The following ARL1 variants were observed in gnomAD, a reference collection of about 807,000 sequenced individuals.
The protein encoded by ARL1 is ARF like GTPase 1.
A neutral mutation model predicts 30.1 loss-of-function variants in ARL1; 17 were observed. The observed-to-expected ratio is 0.56, with a 90% CI of 0.39 to 0.85. The LOEUF (loss-of-function observed/expected upper bound fraction) is 0.85. Ranked by LOEUF, ARL1 falls within the 40% of genes least tolerant of loss-of-function variation. ARL1 has a pLI of 0.00. For missense variants in ARL1, 102 were observed against 212.6 expected, an observed-to-expected ratio of 0.48 and a Z score of 3.24; for synonymous variants, 58 against 71.7, an observed-to-expected ratio of 0.81 and a Z score of 0.97.
At position 101,407,688 on chromosome 12, in the gene ARL1, TGGC is replaced by T; in HGVS notation, c.-46_-44del. ...CCCTCGCCGATCTTCAGTGATTCCTTGGCCTTCGGCTGCAGCTCCGAGGCGGTT... is the reference window on the plus strand; with the variant it reads ...CCCTCGCCGATCTTCAGTGATTCCTTCTTCGGCTGCAGCTCCGAGGCGGTT... On this transcript the variant is annotated 5_prime_UTR_variant, in exon 1 of 6. Coordinates refer to ENST00000261636, the MANE Select transcript of ARL1 (RefSeq NM_001177.6). 1 of 1,611,856 alleles carries T rather than the reference TGGC, an allele frequency of 6.2e-7. No individual in the cohort carries two copies. The highest frequency in any genetic ancestry group is 8.5e-7 in the Non-Finnish European group (1 of 1,179,642).
chr12:101,405,047 T>G (rs1871401922), intron 2 of ARL1, among the ~76,000 whole-genome samples: 1 of 152,104 alleles, frequency 6.6e-6, no homozygotes, highest in South Asian at 2.1e-4. Flanking sequence ...AATTTTGTAT[T>G]TTTAGTAGAG....
chr12:101,397,541 C>T (rs12301819), intron 4 of ARL1, among the ~76,000 whole-genome samples: 16 of 151,214 alleles, frequency 1.1e-4, no homozygotes, highest in African/African-American at 3.9e-4. Flanking sequence ...CTCTGTTGCT[C>T]AGGCTGAAGT....
intron 3 of ARL1, 112 bp from the exon 4 acceptor site, chr12:101,401,285 A>T: frequency 1.5e-6 from 1 of 678,832 alleles, no homozygotes; most frequent in Non-Finnish European, 2.6e-6. Context: ...TTAATGATTC[A>T]CTGTTTCTGG....
At chr12:101,396,240 C>T in intron 5 of ARL1, 159 bp downstream of exon 5, 2 of 885,398 alleles carry the variant, frequency 2.3e-6, no homozygotes, top group African/African-American at 1.6e-5. Context: ...GACAGATGCA[C>T]CTGAAGACCA....
chr12:101,407,779 G>A, upstream of ARL1: 1 of 1,319,154 alleles, frequency 7.6e-7, no homozygotes, highest in Non-Finnish European at 1.1e-6. Flanking sequence ...CGGGAGCGAG[G>A]GTCAGCTGCG....
chr12:101,402,667 G>A (rs528778624), intron 3 of ARL1, among the ~76,000 whole-genome samples, 198 bp downstream of exon 3: 3 of 152,304 alleles, frequency 2.0e-5, no homozygotes, highest in African/African-American at 7.2e-5. Flanking sequence ...TCATTAAACA[G>A]GTATCTGGAA....
At chr12:101,401,311 T>C in intron 3 of ARL1, 138 bp from the exon 4 acceptor site, 1 of 604,362 alleles carries the variant, frequency 1.7e-6, no homozygotes, top group Non-Finnish European at 2.9e-6. Flanking sequence ...ATATGTACCA[T>C]ATCCCTCAGA....
In ARL1 at chr12:101,396,408, G is replaced by T; in HGVS notation, c.506C>A (p.Ala169Glu). 3 of 1,614,004 alleles carry T rather than the reference G, an allele frequency of 1.9e-6. No homozygotes were observed. Among genetic ancestry groups the T allele is most frequent in the Non-Finnish European group, 2.5e-6 (3 of 1,179,892 alleles). Reference protein sequence around the residue: ...SATKGTGLDEAMEWLVETLKS... With the variant: ...SATKGTGLDEEMEWLVETLKS... The stretch of plus-strand genomic sequence containing the variant: ...GAAGCATGATACTTGCCATTCCATT[G>T]CCTCATCAAGGCCGGTGCCTTTGGT... Residue 169 changes from alanine to glutamate, a missense_variant, in exon 5 of 6, where the codon GCA becomes GAA. Physicochemically the swap from Ala to Glu is moderately radical, Grantham distance 107. Transcript: ENST00000261636.
At chr12:101,397,404 A>T (rs79400489) in intron 4 of ARL1, among the ~76,000 whole-genome samples, 12,383 of 152,206 alleles carry the variant, frequency 0.081, 652 homozygotes, top group Middle Eastern at 0.15. Flanking sequence ...AAAAACAAAC[A>T]AAAAAGGAAG....
chr12:101,407,590 C>G, intron 1 of ARL1, 52 bp downstream of exon 1: 3 of 1,605,466 alleles, frequency 1.9e-6, no homozygotes, highest in Admixed American at 1.7e-5. Context: ...CACCCCAGCC[C>G]TCGGCCGCGG....
chr12:101,394,982 C>T lies in ARL1; in HGVS notation c.*658G>A, dbSNP rs1871107632. ...ATACAGTGAAGACATCATAACCTGT[C>T]CTACCTACTTCACAAGCTTCCTCTA... On this transcript the variant is annotated 3_prime_UTR_variant, in exon 6 of 6. Transcript: ENST00000261636. The T allele has an allele frequency of 6.6e-6, 1 of 152,108 alleles. No homozygotes were observed. The highest frequency in any genetic ancestry group is 1.5e-5 in the Non-Finnish European group (1 of 68,042). The allele number at this position is 152,108 out of a possible 1,614,324, so 9.4% of individuals were successfully genotyped here. A position where few individuals can be genotyped will look rare whatever the true frequency, so the allele number is the denominator to read the frequency against.
At chr12:101,407,801 G>T, upstream of ARL1, 1 of 1,071,560 alleles carries the variant, frequency 9.3e-7, no homozygotes, top group Non-Finnish European at 1.4e-6. Context: ...CTGCGCGCCG[G>T]GAACGGTGGC....
chr12:101,402,378 G>A (rs772985224), intron 3 of ARL1, among the ~76,000 whole-genome samples: 5 of 152,092 alleles, frequency 3.3e-5, no homozygotes, highest in South Asian at 2.1e-4. Flanking sequence ...TAGTAGAGAC[G>A]AGGTTTCACC....
intron 4 of ARL1, among the ~76,000 whole-genome samples, chr12:101,399,041 C>T (rs902122001): frequency 6.6e-6 from 1 of 151,870 alleles, no homozygotes; most frequent in African/African-American, 2.4e-5. Context: ...ACCTATTATA[C>T]CCAAGGCAAT....
chr12:101,402,438 C>T (rs766469054), intron 3 of ARL1, among the ~76,000 whole-genome samples: 32 of 152,310 alleles, frequency 2.1e-4, no homozygotes, highest in Non-Finnish European at 4.1e-4. Context: ...CCGCCCACCT[C>T]GGCCTCCCAA....
At position 101,395,607 on chromosome 12, in the gene ARL1, A is replaced by C; in HGVS notation, c.*33T>G. On this transcript the variant is annotated 3_prime_UTR_variant, in exon 6 of 6. Coordinates refer to ENST00000261636, the MANE Select transcript of ARL1 (RefSeq NM_001177.6). ...GTTTCCAAAGGGAGAGAGGTGATGTAGTCTTCATTTCAGGGGAGAAGAATG... is the reference window on the plus strand; with the variant it reads ...GTTTCCAAAGGGAGAGAGGTGATGTCGTCTTCATTTCAGGGGAGAAGAATG... 2 of 1,547,950 alleles carry C rather than the reference A, an allele frequency of 1.3e-6. No individual in the cohort carries two copies. The highest frequency in any genetic ancestry group is 1.8e-6 in the Non-Finnish European group (2 of 1,132,620).
chr12:101,405,445 C>T (rs1010341916), intron 2 of ARL1, among the ~76,000 whole-genome samples: 1 of 152,120 alleles, frequency 6.6e-6, no homozygotes, highest in African/African-American at 2.4e-5. Context: ...AAGATACTGG[C>T]TCTCAGTAAG....
At chr12:101,406,003 A>G (rs747215626) in intron 1 of ARL1, 22 bp from the exon 2 acceptor site, 1 of 1,537,354 alleles carries the variant, frequency 6.5e-7, no homozygotes, top group African/African-American at 1.4e-5. Context: ...TAAAAGAAAA[A>G]ACATACACAA....
At position 101,393,428 on chromosome 12, in the gene ARL1, T is replaced by C. The variant is rs533536817; in HGVS notation, c.*2212A>G. On this transcript the variant is annotated 3_prime_UTR_variant, in exon 6 of 6. Transcript: ENST00000261636. ...AGATCCCATTTTACAGAAAAGAAAC[T>C]ACAGGAGTGGCCATTTGCACCTATG... The C allele has an allele frequency of 2.0e-5, 3 of 152,208 alleles. No homozygotes were observed. The highest frequency in any genetic ancestry group is 6.5e-5 in the Admixed American group (1 of 15,284). The allele number at this position is 152,208 out of a possible 1,614,324, so 9.4% of individuals were successfully genotyped here. A position where few individuals can be genotyped will look rare whatever the true frequency, so the allele number is the denominator to read the frequency against.
Sources: allele counts gnomAD v4.1 joint callset (sites outside exome capture counted in the v4.1 genomes callset), GRCh38; gene constraint gnomAD v4.1.1; transcripts MANE v1.5; gene names NCBI Gene and HGNC (gene_info 2026-07-23, HGNC 2026-07-21).